Variants in STEAP1B observed in about 807,000 individuals in gnomAD.
STEAP1B encodes the protein STEAP family protein MGC87042.
STEAP1B carries 13 observed loss-of-function variants against 27.9 expected under a neutral mutation model. That is an observed-to-expected ratio of 0.47 (90% CI 0.30 to 0.74). STEAP1B has a LOEUF of 0.74. Ranked by LOEUF, STEAP1B falls within the 30% of genes least tolerant of loss-of-function variation. The probability of loss-of-function intolerance (pLI) is 0.06; values close to 1 mark genes in which losing one functional copy is unlikely to be tolerated. For missense variants in STEAP1B, 250 were observed against 298.7 expected, an observed-to-expected ratio of 0.84 and a Z score of 1.20; for synonymous variants, 86 against 107.1, an observed-to-expected ratio of 0.80 and a Z score of 1.22.
At chr7:22,424,494 A>T (rs538414466) in intron 4 of STEAP1B, among the ~76,000 whole-genome samples, 5 of 152,184 alleles carry the variant, frequency 3.3e-5, no homozygotes, top group Non-Finnish European at 7.4e-5. Flanking sequence ...TTTTAAGAAC[A>T]TTATTTCATA....
intron 4 of STEAP1B, among the ~76,000 whole-genome samples, chr7:22,471,935 C>T (rs1374467541): frequency 7.0e-6 from 1 of 143,386 alleles, no homozygotes; most frequent in African/African-American, 2.6e-5. Context: ...ATATTGCTAA[C>T]GTACATCATT....
intron 4 of STEAP1B, among the ~76,000 whole-genome samples, chr7:22,489,178 TATTG>T (rs1281027969): frequency 2.0e-5 from 3 of 152,194 alleles, no homozygotes; most frequent in African/African-American, 7.2e-5. Context: ...TCTGTCCTCC[TATTG>T]ATTGTTTTGG....
At chr7:22,471,063 AT>A (rs112633081) in intron 4 of STEAP1B, among the ~76,000 whole-genome samples, 48,344 of 151,776 alleles carry the variant, frequency 0.32, 8,323 homozygotes, top group African/African-American at 0.46. Context: ...TAAAGAGCCT[AT>A]TTTTTCCCCC....
At chr7:22,442,188 A>G (rs1158613756) in intron 4 of STEAP1B, among the ~76,000 whole-genome samples, 1 of 152,254 alleles carries the variant, frequency 6.6e-6, no homozygotes, top group Non-Finnish European at 1.5e-5. Context: ...AAAAGACTGC[A>G]GTGAGCGGAA....
chr7:22,488,246 C>T (rs1786250317), intron 4 of STEAP1B, among the ~76,000 whole-genome samples: 1 of 152,198 alleles, frequency 6.6e-6, no homozygotes, highest in South Asian at 2.1e-4. Flanking sequence ...TTCTTCCCTG[C>T]CCCACCTATC....
intron 4 of STEAP1B, among the ~76,000 whole-genome samples, chr7:22,440,411 G>A (rs1028207721): frequency 6.6e-6 from 1 of 152,182 alleles, no homozygotes; most frequent in Non-Finnish European, 1.5e-5. Context: ...GCTGTATTTT[G>A]TAATATCTGA....
intron 4 of STEAP1B, among the ~76,000 whole-genome samples, chr7:22,477,118 A>G (rs2128412415): frequency 2.0e-5 from 3 of 152,330 alleles, no homozygotes; most frequent in Admixed American, 2.0e-4. Context: ...GAGGGCACGC[A>G]TAGCCTTTGC....
At chr7:22,465,713 TG>T (rs1262696079) in intron 4 of STEAP1B, among the ~76,000 whole-genome samples, 6 of 152,106 alleles carry the variant, frequency 3.9e-5, no homozygotes, top group African/African-American at 1.4e-4. Flanking sequence ...AAAAGAGACA[TG>T]GGGCTTTATT....
intron 4 of STEAP1B, among the ~76,000 whole-genome samples, chr7:22,479,394 C>T (rs988192695): frequency 2.6e-5 from 4 of 152,148 alleles, no homozygotes; most frequent in Admixed American, 1.3e-4. Flanking sequence ...ATTTGCAGCT[C>T]GTTAATAGCC....
chr7:22,455,900 C>T (rs889810509), intron 4 of STEAP1B, among the ~76,000 whole-genome samples: 1 of 152,208 alleles, frequency 6.6e-6, no homozygotes, highest in African/African-American at 2.4e-5. Context: ...GTAATCCCAG[C>T]ACTTTGGGAG....
rs573016095 is a variant in STEAP1B at position 22,424,308 on chromosome 7, A to T, written c.763-4472T>A. Among the ~76,000 whole-genome samples the T allele has an allele frequency of 2.0e-5, 3 of 152,228 alleles. No individual in the cohort carries two copies. The East Asian group carries it at 5.8e-4, about 29-fold the overall frequency. On this transcript the variant is annotated intron_variant, in intron 4 of 4. Transcript: ENST00000678116. The stretch of plus-strand genomic sequence containing the variant: ...GTTTGTAAAGACTTCATAGAAATCT[A>T]TAATAAAAACATAGTAAGATCTCAA...
chr7:22,432,316 A>G (rs1394276586), intron 4 of STEAP1B, among the ~76,000 whole-genome samples: 1 of 151,968 alleles, frequency 6.6e-6, no homozygotes, highest in Non-Finnish European at 1.5e-5. Flanking sequence ...AGGTGGGAAG[A>G]TCATTTGAGG....
At chr7:22,434,823 T>C (rs1785234386) in intron 4 of STEAP1B, among the ~76,000 whole-genome samples, 1 of 152,220 alleles carries the variant, frequency 6.6e-6, no homozygotes, top group Non-Finnish European at 1.5e-5. Flanking sequence ...GAATAATAAA[T>C]AGTCAAAATA....
chr7:22,470,891 A>T (rs1785869994), intron 4 of STEAP1B, among the ~76,000 whole-genome samples: 1 of 152,168 alleles, frequency 6.6e-6, no homozygotes, highest in African/African-American at 2.4e-5. Flanking sequence ...CCCAAAAAAT[A>T]TAAAACCCTC....
chr7:22,429,958 G>A (rs1785156737), intron 4 of STEAP1B, among the ~76,000 whole-genome samples: 1 of 152,152 alleles, frequency 6.6e-6, no homozygotes. Flanking sequence ...TTTACCTTGA[G>A]GTAATGGAGA....
chr7:22,472,985 A>G (rs1481326996), intron 4 of STEAP1B, among the ~76,000 whole-genome samples: 6 of 152,198 alleles, frequency 3.9e-5, no homozygotes, highest in African/African-American at 1.2e-4. Flanking sequence ...CACCCTCTGC[A>G]TACTGTAGTG....
At chr7:22,437,881 T>C (rs1785274324) in intron 4 of STEAP1B, among the ~76,000 whole-genome samples, 1 of 152,220 alleles carries the variant, frequency 6.6e-6, no homozygotes, top group South Asian at 2.1e-4. Context: ...TATTTTCATA[T>C]ATCTATTGGT....
intron 4 of STEAP1B, among the ~76,000 whole-genome samples, chr7:22,469,133 G>T (rs1785836812): frequency 6.6e-6 from 1 of 152,160 alleles, no homozygotes; most frequent in South Asian, 2.1e-4. Context: ...AAGATATAGA[G>T]GTGGAAAGCA....
At chr7:22,495,933 T>C (rs1020107506) in intron 1 of STEAP1B, among the ~76,000 whole-genome samples, 6 of 152,236 alleles carry the variant, frequency 3.9e-5, no homozygotes, top group Non-Finnish European at 8.8e-5. Flanking sequence ...ATTATTATTG[T>C]GAAGTGTACT....
Sources: gnomAD v4.1 joint callset for allele counts (sites outside exome capture counted in the v4.1 genomes callset) on GRCh38, gnomAD v4.1.1 for gene constraint, MANE v1.5 for transcripts, NCBI Gene and HGNC (gene_info 2026-07-23, HGNC 2026-07-21) for gene names.